CSMD3: variants seen among roughly 807,000 people sequenced by gnomAD.
The protein encoded by CSMD3 is CUB and Sushi multiple domains 3.
In CSMD3, 177 loss-of-function variants were observed where a neutral mutation model predicts 435.2. The observed-to-expected ratio is 0.41, with a 90% CI of 0.36 to 0.46. The LOEUF is 0.46. Ranked by LOEUF, CSMD3 falls within the 20% of genes least tolerant of loss-of-function variation. CSMD3 has a pLI of 0.34. For synonymous variants in CSMD3, 1,656 were observed against 1,520.5 expected, an observed-to-expected ratio of 1.09 and a Z score of -2.07; for missense variants, 4,265 against 4,504.6, an observed-to-expected ratio of 0.95 and a Z score of 1.52.
At chr8:112,607,302 AAT>A (rs1203101910) in intron 22 of CSMD3, among the ~76,000 whole-genome samples, 5 of 152,014 alleles carry the variant, frequency 3.3e-5, no homozygotes, top group Non-Finnish European at 7.4e-5. Context: ...TATTAATATA[AAT>A]AGATTAATAA....
chr8:113,176,936 T>C (rs2131906036), intron 3 of CSMD3, among the ~76,000 whole-genome samples: 1 of 151,376 alleles, frequency 6.6e-6, no homozygotes, highest in South Asian at 2.1e-4. Context: ...GAAAAGAAAA[T>C]GAATTACTCA....
chr8:112,560,041 T>C (rs183361281), intron 24 of CSMD3, among the ~76,000 whole-genome samples: 1 of 151,948 alleles, frequency 6.6e-6, no homozygotes, highest in Admixed American at 6.6e-5. Flanking sequence ...TTAATCTAGA[T>C]TTGAATTAGA....
At position 112,255,168 on chromosome 8, in the gene CSMD3, T is replaced by C. The variant is rs566541829; in HGVS notation, c.10036+86A>G. The C allele has an allele frequency of 2.0e-5, 22 of 1,125,572 alleles. No homozygotes were observed. The South Asian group carries it at 2.5e-4, about 13-fold the overall frequency. The allele number at this position is 1,125,572 out of a possible 1,614,324, so 69.7% of individuals were successfully genotyped here. The stretch of plus-strand genomic sequence containing the variant: ...ACTTGTTTTTATATTAAGCCAACTA[T>C]AGGTTATAGGATAAAGAAAACCATT... On this transcript the variant is annotated intron_variant, in intron 62 of 70. Coordinates refer to ENST00000297405, the MANE Select transcript of CSMD3 (RefSeq NM_198123.2).
chr8:112,706,821 A>G (rs1006906458), intron 13 of CSMD3, among the ~76,000 whole-genome samples: 2 of 152,116 alleles, frequency 1.3e-5, no homozygotes, highest in African/African-American at 4.8e-5. Context: ...TCAATTAAAG[A>G]GACATGACAC....
chr8:112,372,765 C>A (rs896446143), intron 38 of CSMD3, among the ~76,000 whole-genome samples: 4 of 151,706 alleles, frequency 2.6e-5, no homozygotes, highest in Non-Finnish European at 5.9e-5. Context: ...AGGAGAATTG[C>A]TTGACCCTGA....
intron 13 of CSMD3, among the ~76,000 whole-genome samples, chr8:112,783,532 G>C (rs947497228): frequency 8.6e-5 from 13 of 151,102 alleles, no homozygotes; most frequent in African/African-American, 2.9e-4. Flanking sequence ...GGGAAGGACG[G>C]AGGGAAGATT....
intron 66 of CSMD3, 35 bp downstream of exon 66, chr8:112,241,685 T>A (rs765497650): frequency 6.9e-7 from 1 of 1,458,994 alleles, no homozygotes; most frequent in Non-Finnish European, 9.6e-7. Flanking sequence ...TTTTTAGAAA[T>A]AATGAACTCT....
intron 3 of CSMD3, among the ~76,000 whole-genome samples, chr8:113,196,007 G>A (rs560125785): frequency 6.6e-6 from 1 of 150,430 alleles, no homozygotes. Context: ...CTTGCCAAAT[G>A]CCTTCAGTTA....
chr8:112,627,401 T>G (rs1834570543), intron 22 of CSMD3, among the ~76,000 whole-genome samples: 1 of 152,106 alleles, frequency 6.6e-6, no homozygotes, highest in African/African-American at 2.4e-5. Flanking sequence ...TCGTAATTCT[T>G]TCTCGTGTGA....
chr8:113,093,512 A>C (rs2131522783), intron 5 of CSMD3, among the ~76,000 whole-genome samples: 1 of 152,246 alleles, frequency 6.6e-6, no homozygotes, highest in South Asian at 2.1e-4. Flanking sequence ...GGAACTAAGA[A>C]GTTATTGCTC....
At chr8:112,877,256 T>C (rs2081310463) in intron 10 of CSMD3, among the ~76,000 whole-genome samples, 1 of 151,750 alleles carries the variant, frequency 6.6e-6, no homozygotes, top group African/African-American at 2.4e-5. Context: ...TAAAAAAAAC[T>C]ACTTTAAATT....
intron 1 of CSMD3, among the ~76,000 whole-genome samples, chr8:113,328,204 C>A (rs978386908): frequency 6.6e-6 from 1 of 151,582 alleles, no homozygotes; most frequent in African/African-American, 2.4e-5. Flanking sequence ...TTTGGGAGGC[C>A]GAGGCGGGCG....
At chr8:112,705,967 T>C (rs141922167) in intron 13 of CSMD3, among the ~76,000 whole-genome samples, 25 of 152,218 alleles carry the variant, frequency 1.6e-4, no homozygotes, top group African/African-American at 5.1e-4. Context: ...CCATTGTTTA[T>C]ATACTTAAAG....
chr8:112,259,574 G>T (rs1393123702), intron 61 of CSMD3, among the ~76,000 whole-genome samples: 1 of 151,972 alleles, frequency 6.6e-6, no homozygotes, highest in Non-Finnish European at 1.5e-5. Flanking sequence ...CTGTACCCCA[G>T]AACTTAAAGT....
intron 3 of CSMD3, among the ~76,000 whole-genome samples, chr8:113,218,507 C>CTT (rs2092931656): frequency 6.8e-6 from 1 of 147,134 alleles, no homozygotes; most frequent in Non-Finnish European, 1.5e-5. Context: ...ACCAATTGAA[C>CTT]TTATCCCAGG....
chr8:112,825,894 T>C (rs1253610177), intron 12 of CSMD3, among the ~76,000 whole-genome samples: 1 of 152,112 alleles, frequency 6.6e-6, no homozygotes, highest in Non-Finnish European at 1.5e-5. Flanking sequence ...GAAAGGAAAA[T>C]CACTCGTCTG....
chr8:113,182,261 A>T (rs2092431997), intron 3 of CSMD3, among the ~76,000 whole-genome samples: 1 of 152,088 alleles, frequency 6.6e-6, no homozygotes, highest in South Asian at 2.1e-4. Flanking sequence ...TTATGAAATG[A>T]GATAAGTAAG....
Position 112,278,267 on chromosome 8 carries a change from G to T in CSMD3, c.9508+2907C>A, listed in dbSNP as rs568096036. Among the ~76,000 whole-genome samples the T allele has an allele frequency of 1.1e-4, 17 of 152,316 alleles. No individual in the cohort carries two copies. In the South Asian group the frequency reaches 3.5e-3, roughly 32 times the overall value. ...CTGGCTCTGCTGCCACCTGGCTAGA[G>T]AGTGCTTGGTGCTGTGCTAGTGTAC... On this transcript the variant is annotated intron_variant, in intron 59 of 70. Coordinates refer to ENST00000297405, the MANE Select transcript of CSMD3 (RefSeq NM_198123.2).
chr8:112,341,358 CTTAAGT>C (rs1179569577), intron 42 of CSMD3, 113 bp downstream of exon 42: 16 of 733,340 alleles, frequency 2.2e-5, no homozygotes, highest in Non-Finnish European at 3.1e-5. Flanking sequence ...CTCACCTTGG[CTTAAGT>C]TTTTTTTTTT....
Sources: gnomAD v4.1 joint callset for allele counts (sites outside exome capture counted in the v4.1 genomes callset) on GRCh38, gnomAD v4.1.1 for gene constraint, MANE v1.5 for transcripts, NCBI Gene and HGNC (gene_info 2026-07-23, HGNC 2026-07-21) for gene names.